Variants in MAGI2 observed in about 807,000 individuals in gnomAD.
The protein encoded by MAGI2 is membrane-associated guanylate kinase, WW and PDZ domain-containing protein 2.
MAGI2 carries 35 observed loss-of-function variants against 133.3 expected under a neutral mutation model. The ratio of observed to expected loss-of-function variants is 0.26; its 90% confidence interval spans 0.20 to 0.35. The LOEUF (loss-of-function observed/expected upper bound fraction) is 0.35, where lower values mean the gene tolerates loss of function less well. Ranked by LOEUF, MAGI2 falls within the 10% of genes least tolerant of loss-of-function variation. The pLI, the probability that MAGI2 is intolerant of heterozygous loss-of-function variation, is 1.00. For synonymous variants in MAGI2, 729 were observed against 710.6 expected, an observed-to-expected ratio of 1.03 and a Z score of -0.41; for missense variants, 1,636 against 1,863.4, an observed-to-expected ratio of 0.88 and a Z score of 2.25.
chr7:79,105,431 C>A (rs1443599496), intron 1 of MAGI2, among the ~76,000 whole-genome samples: 2 of 151,998 alleles, frequency 1.3e-5, no homozygotes, highest in Non-Finnish European at 2.9e-5. Context: ...TGCTCAGTAG[C>A]GATTTACTTG....
chr7:78,333,763 G>A (rs780088745), intron 9 of MAGI2, among the ~76,000 whole-genome samples: 2 of 152,174 alleles, frequency 1.3e-5, no homozygotes, highest in Admixed American at 6.5e-5. Context: ...GCCGCCCTGC[G>A]CATGCTAGCC....
chr7:78,705,348 A>G (rs1818534141), intron 2 of MAGI2, among the ~76,000 whole-genome samples: 1 of 151,968 alleles, frequency 6.6e-6, no homozygotes, highest in African/African-American at 2.4e-5. Context: ...GCCTTGTGCC[A>G]TGGTTGTAAT....
intron 21 of MAGI2, among the ~76,000 whole-genome samples, chr7:78,072,393 C>T (rs76531962): frequency 0.043 from 6,615 of 152,248 alleles, 321 homozygotes; most frequent in East Asian, 0.14. Flanking sequence ...GCTAAAAACA[C>T]ATTTCTTCAT....
At chr7:78,716,850 C>A (rs937936557) in intron 2 of MAGI2, among the ~76,000 whole-genome samples, 11 of 152,134 alleles carry the variant, frequency 7.2e-5, no homozygotes, top group Admixed American at 2.0e-4. Context: ...TCATGGGGCA[C>A]GGAATCCAAT....
At chr7:78,957,047 T>C (rs970716703) in intron 2 of MAGI2, among the ~76,000 whole-genome samples, 1 of 151,884 alleles carries the variant, frequency 6.6e-6, no homozygotes, top group African/African-American at 2.4e-5. Context: ...GTGGATCACC[T>C]GAGGTTAGGA....
chr7:78,723,849 T>A (rs1030865715), intron 2 of MAGI2, among the ~76,000 whole-genome samples: 2 of 152,066 alleles, frequency 1.3e-5, no homozygotes, highest in African/African-American at 4.8e-5. Flanking sequence ...TGAAAGGTAG[T>A]TGAAGCCATG....
intron 9 of MAGI2, among the ~76,000 whole-genome samples, chr7:78,275,763 G>T (rs1278506653): frequency 6.6e-6 from 1 of 152,116 alleles, no homozygotes; most frequent in African/African-American, 2.4e-5. Context: ...AATAGGACTG[G>T]ATATACCAGT....
intron 1 of MAGI2, among the ~76,000 whole-genome samples, chr7:79,252,156 C>CAAAAAAA (rs1208897198): frequency 2.4e-4 from 25 of 102,530 alleles, no homozygotes; most frequent in African/African-American, 3.7e-4. Context: ...GACCCTGTCT[C>CAAAAAAA]AAAAAAAAAA....
At position 79,453,499 on chromosome 7, in the gene MAGI2, G is replaced by T; in HGVS notation, c.-179C>A. 1 of 1,409,170 alleles carries T rather than the reference G, an allele frequency of 7.1e-7. No homozygotes were observed. 87.3% of individuals were successfully genotyped at this position (1,409,170 alleles called of 1,614,324 possible). Reference sequence around the variant, plus strand: ...ATGGAGTGTGGACGAGGAATGGGGAGGATGAGAGGGACGGCTGGGCAGAGG... The same window carrying T: ...ATGGAGTGTGGACGAGGAATGGGGATGATGAGAGGGACGGCTGGGCAGAGG... On this transcript the variant is annotated 5_prime_UTR_variant, in exon 1 of 22. Coordinates refer to ENST00000354212, the MANE Select transcript of MAGI2 (RefSeq NM_012301.4).
chr7:79,276,390 C>A (rs963518758), intron 1 of MAGI2, among the ~76,000 whole-genome samples: 1 of 152,150 alleles, frequency 6.6e-6, no homozygotes, highest in Non-Finnish European at 1.5e-5. Flanking sequence ...CAACCACCAC[C>A]CTGATCAGCT....
chr7:78,332,400 A>T (rs1476827442), intron 9 of MAGI2, among the ~76,000 whole-genome samples: 4 of 152,208 alleles, frequency 2.6e-5, no homozygotes, highest in Admixed American at 1.3e-4. Context: ...CCTATGTGTC[A>T]TTATAAAAGG....
intron 2 of MAGI2, among the ~76,000 whole-genome samples, chr7:78,978,222 T>A (rs1314304613): frequency 6.6e-6 from 1 of 151,856 alleles, no homozygotes; most frequent in Non-Finnish European, 1.5e-5. Context: ...TGCATACGAT[T>A]GTTTATGGCA....
At chr7:78,551,493 C>T (rs1799329424) in intron 3 of MAGI2, among the ~76,000 whole-genome samples, 2 of 152,126 alleles carry the variant, frequency 1.3e-5, no homozygotes, top group African/African-American at 4.8e-5. Flanking sequence ...TAAAATGTTC[C>T]TCTTTACACT....
At chr7:78,242,521 T>C (rs776158695) in intron 10 of MAGI2, among the ~76,000 whole-genome samples, 14 of 152,232 alleles carry the variant, frequency 9.2e-5, no homozygotes, top group Non-Finnish European at 2.9e-5. Context: ...CTTAGTTTGC[T>C]CTGTCATATA....
chr7:79,219,387 A>T (rs555334309), intron 1 of MAGI2, among the ~76,000 whole-genome samples: 1 of 152,176 alleles, frequency 6.6e-6, no homozygotes, highest in East Asian at 1.9e-4. Context: ...CCAAGAGCTC[A>T]TTTAAATGAT....
intron 2 of MAGI2, among the ~76,000 whole-genome samples, chr7:78,636,325 A>T (rs1338105610): frequency 3.3e-5 from 5 of 150,484 alleles, no homozygotes; most frequent in South Asian, 2.1e-4. Context: ...ATATACTAAC[A>T]ATGTTAGGTA....
intron 9 of MAGI2, among the ~76,000 whole-genome samples, chr7:78,338,541 G>A (rs75904522): frequency 1.3e-5 from 2 of 152,044 alleles, no homozygotes; most frequent in East Asian, 3.8e-4. Flanking sequence ...AGAAACATTT[G>A]TCTCATTTTT....
chr7:79,245,983 T>G (rs1329178833), intron 1 of MAGI2, among the ~76,000 whole-genome samples: 1 of 152,162 alleles, frequency 6.6e-6, no homozygotes, highest in Non-Finnish European at 1.5e-5. Flanking sequence ...AGCGTCTGCA[T>G]GGTAATCCAG....
At chr7:79,124,362 C>T (rs1205575976) in intron 1 of MAGI2, among the ~76,000 whole-genome samples, 1 of 152,102 alleles carries the variant, frequency 6.6e-6, no homozygotes, top group Admixed American at 6.5e-5. Flanking sequence ...TTTCATTGCT[C>T]ATGTACTCAA....
Sources: allele counts gnomAD v4.1 joint callset (sites outside exome capture counted in the v4.1 genomes callset), GRCh38; gene constraint gnomAD v4.1.1; transcripts MANE v1.5; gene names NCBI Gene and HGNC (gene_info 2026-07-23, HGNC 2026-07-21).